The following USH1C variants were observed in gnomAD, a reference collection of about 807,000 sequenced individuals.
The protein encoded by USH1C is harmonin.
A neutral mutation model predicts 119.3 loss-of-function variants in USH1C; 90 were observed. The ratio of observed to expected loss-of-function variants is 0.75; its 90% CI spans 0.64 to 0.90. The LOEUF (loss-of-function observed/expected upper bound fraction) is 0.90. USH1C is among the 40% of genes least tolerant of loss of function. The pLI, the probability that USH1C is intolerant of heterozygous loss-of-function variation, is 0.00. For missense variants in USH1C, 1,165 were observed against 1,167.7 expected (o/e 1.00, Z 0.03); for synonymous variants, 465 against 443.3 (o/e 1.05, Z -0.62).
rs925374449 is a variant in USH1C, at chr11:17,494,143, C to T, written c.*189G>A. 7 of 666,742 alleles carry T rather than the reference C, an allele frequency of 1.0e-5. No homozygotes were observed. Among genetic ancestry groups the T allele is most frequent in the Non-Finnish European group, 1.6e-5 (6 of 376,392 alleles). 41.3% of individuals were successfully genotyped at this position (666,742 alleles called of 1,614,324 possible). A position where few individuals can be genotyped will look rare whatever the true frequency, so the allele number is the denominator to read the frequency against. Reference sequence around the variant, plus strand: ...AAATGGCTGGCTGCTCCCTTTCCTCCACGTTGGCCTTCAGAAGAGTGGCCC... The same window carrying T: ...AAATGGCTGGCTGCTCCCTTTCCTCTACGTTGGCCTTCAGAAGAGTGGCCC... On this transcript the variant is annotated 3_prime_UTR_variant, in exon 27 of 27. Transcript: ENST00000005226.
intron 14 of USH1C, among the ~76,000 whole-genome samples, chr11:17,520,361 C>T (rs1394873227): frequency 6.6e-6 from 1 of 152,108 alleles, no homozygotes; most frequent in African/African-American, 2.4e-5. Context: ...TTCCTGCCTC[C>T]ATCCTTGGTC....
At position 17,522,825 on chromosome 11, in the gene USH1C, C is replaced by T; in HGVS notation, c.978G>A (p.Glu326=). 1 of 1,613,958 alleles carries T rather than the reference C, an allele frequency of 6.2e-7. No homozygotes were observed. Among genetic ancestry groups the T allele is most frequent in the Non-Finnish European group, 8.5e-7 (1 of 1,179,970 alleles). Residue 326 remains glutamate (E), a synonymous_variant, in exon 12 of 27, where the codon GAG becomes GAA. Transcript: ENST00000005226. ...ELLMQKRLAM[E]SNKILQEQQE... is the part of the protein sequence containing the mutation. ...GCTGCTCCTGGAGGATCTTGTTGGA[C>T]TCCATCGCCAGCCGCTTCTGCATGA... is the stretch of plus-strand genomic sequence containing the variant.
Position 17,494,149 on chromosome 11 carries a change from G to A in USH1C, c.*183C>T. On this transcript the variant is annotated 3_prime_UTR_variant, in exon 27 of 27. Coordinates refer to ENST00000005226, the MANE Select transcript of USH1C (RefSeq NM_153676.4). ...CTGGCTGCTCCCTTTCCTCCACGTT[G>A]GCCTTCAGAAGAGTGGCCCGAGCTG... 1 of 693,926 alleles carries A rather than the reference G, an allele frequency of 1.4e-6. No individual in the cohort carries two copies. Among genetic ancestry groups the A allele is most frequent in the East Asian group, 2.8e-5 (1 of 36,182 alleles). The allele number at this position is 693,926 out of a possible 1,614,324, so 43.0% of individuals were successfully genotyped here.
intron 1 of USH1C, chr11:17,533,783 C>T: frequency 2.2e-6 from 1 of 458,012 alleles, no homozygotes; most frequent in South Asian, 1.5e-5. Flanking sequence ...GCTTAGATAG[C>T]ACATGCCACT....
chr11:17,497,028 C>T (rs1849274214), intron 24 of USH1C: 1 of 544,746 alleles, frequency 1.8e-6, no homozygotes, highest in Non-Finnish European at 3.3e-6. Flanking sequence ...CTGCAAGGCC[C>T]TTGAATGACA....
At chr11:17,524,561 C>T (rs932469571) in intron 8 of USH1C, 26 bp from the exon 9 acceptor site, 39 of 1,552,358 alleles carry the variant, frequency 2.5e-5, no homozygotes, top group South Asian at 3.6e-5. Context: ...AATGTGTGCT[C>T]GGGATTCAGG....
chr11:17,495,768 G>T, intron 25 of USH1C, 91 bp from the exon 26 acceptor site: 1 of 1,400,502 alleles, frequency 7.1e-7, no homozygotes, highest in Non-Finnish European at 1.0e-6. Context: ...CTGGGCTCCT[G>T]CCTCGGGTTC....
intron 1 of USH1C, among the ~76,000 whole-genome samples, chr11:17,534,473 G>A (rs1372963147): frequency 6.6e-6 from 1 of 152,208 alleles, no homozygotes; most frequent in Non-Finnish European, 1.5e-5. Flanking sequence ...TTAAAGGTGA[G>A]AATAACTTGG....
chr11:17,524,192 C>T (rs1850554217), intron 9 of USH1C, among the ~76,000 whole-genome samples: 1 of 152,216 alleles, frequency 6.6e-6, no homozygotes, highest in African/African-American at 2.4e-5. Context: ...TGCAAGTGGA[C>T]ACTGAAGGTC....
intron 1 of USH1C, among the ~76,000 whole-genome samples, chr11:17,540,857 C>T (rs1851436668): frequency 6.6e-6 from 1 of 152,196 alleles, no homozygotes; most frequent in Non-Finnish European, 1.5e-5. Flanking sequence ...CTCTACAGAG[C>T]AGCCAGAACA....
chr11:17,528,239 G>A (rs1047282684), intron 4 of USH1C, among the ~76,000 whole-genome samples: 3 of 152,184 alleles, frequency 2.0e-5, no homozygotes, highest in Non-Finnish European at 2.9e-5. Flanking sequence ...TCTTCTCAGG[G>A]CTTAGGCCAC....
At chr11:17,544,203 G>T in intron 1 of USH1C, 69 bp downstream of exon 1, 1 of 1,601,924 alleles carries the variant, frequency 6.2e-7, no homozygotes, top group Non-Finnish European at 8.5e-7. Context: ...GTGCCGGGGT[G>T]TCCACCCCCT....
At chr11:17,533,476 C>T (rs2133930060) in intron 1 of USH1C, 154 bp from the exon 2 acceptor site, 1 of 699,184 alleles carries the variant, frequency 1.4e-6, no homozygotes, top group South Asian at 1.5e-5. Context: ...CAGGCTGCCC[C>T]TCTGACCCCA....
chr11:17,526,639 C>T lies in USH1C; in HGVS notation c.579+114G>A, dbSNP rs116184533. 4.9e-3 allele frequency: 6,333 copies of T among 1,290,200 alleles called. 219 individuals carry two copies. The African/African-American group carries it at 0.076, about 16-fold the overall frequency. 79.9% of individuals were successfully genotyped at this position (1,290,200 alleles called of 1,614,324 possible). A position where few individuals can be genotyped will look rare whatever the true frequency, so the allele number is the denominator to read the frequency against. ...AGCGGTGTGCTGGCTGCCCTGGGAG[C>T]CTGTGTGAAGCCCCTGAGGGTGCAT... On this transcript the variant is annotated intron_variant, in intron 7 of 26. Transcript: ENST00000005226.
chr11:17,499,178 G>A (rs1849348382), intron 23 of USH1C, among the ~76,000 whole-genome samples: 1 of 152,152 alleles, frequency 6.6e-6, no homozygotes, highest in Non-Finnish European at 1.5e-5. Flanking sequence ...CTTTTTGGAG[G>A]AATTTCTCCC....
intron 14 of USH1C, among the ~76,000 whole-genome samples, chr11:17,516,990 G>A (rs911961619): frequency 6.6e-6 from 1 of 152,074 alleles, no homozygotes; most frequent in African/African-American, 2.4e-5. Context: ...GGCCAAGAGC[G>A]ATGGCTGAAT....
chr11:17,500,982 G>T lies in USH1C; in HGVS notation c.2380+69C>A, dbSNP rs893778398. The T allele has an allele frequency of 2.9e-6, 4 of 1,373,174 alleles. No homozygotes were observed. The African/African-American group carries it at 4.3e-5, about 15-fold the overall frequency. 85.1% of individuals were successfully genotyped at this position (1,373,174 alleles called of 1,614,324 possible). On this transcript the variant is annotated intron_variant, in intron 23 of 26. Transcript: ENST00000005226. Reference sequence around the variant, plus strand: ...GCCCACTCCAAGTGGTCACCTGTTTGCTTTCCGGGAGGGCCCCGTCTAACC... The same window carrying T: ...GCCCACTCCAAGTGGTCACCTGTTTTCTTTCCGGGAGGGCCCCGTCTAACC...
chr11:17,495,780 G>T, intron 25 of USH1C, 103 bp from the exon 26 acceptor site: 1 of 1,274,266 alleles, frequency 7.8e-7, no homozygotes. Context: ...CTCGGGTTCT[G>T]CCTAGCCCCT....
chr11:17,533,310 T>C lies in USH1C; in HGVS notation c.49A>G (p.Ile17Val), dbSNP rs1179635643. The change falls in exon 2 of 27, where the codon ATT becomes GTT. Residue 17 changes from isoleucine to valine, a missense_variant. Coordinates refer to ENST00000005226, the MANE Select transcript of USH1C (RefSeq NM_153676.4). ...TAGTCCTTCTCTGCATCATTTTCAA[T>C]CAGAAAATCCACCTGGAAAATCCAA... ...REFRHKVDFL[I>V]ENDAEKDYLY... 1.9e-6 allele frequency: 3 copies of C among 1,612,634 alleles called. No homozygotes were observed. Among genetic ancestry groups the C allele is most frequent in the Non-Finnish European group, 2.5e-6 (3 of 1,179,360 alleles).
Sources: allele counts gnomAD v4.1 joint callset (sites outside exome capture counted in the v4.1 genomes callset), GRCh38; gene constraint gnomAD v4.1.1; transcripts MANE v1.5; gene names NCBI Gene and HGNC (gene_info 2026-07-23, HGNC 2026-07-21).